PDLIM5: variants seen among roughly 807,000 people sequenced by gnomAD.
The protein encoded by PDLIM5 is PDZ and LIM domain 5, also known as PDZ and LIM domain protein 5.
A neutral mutation model predicts 64.2 loss-of-function variants in PDLIM5; 34 were observed. The ratio of observed to expected loss-of-function variants is 0.53; its 90% CI spans 0.40 to 0.71. The LOEUF (loss-of-function observed/expected upper bound fraction) is 0.71. Among genes scored for constraint, PDLIM5 ranks in the 30% least tolerant of loss-of-function variants. The pLI is 0.00. For missense variants in PDLIM5, 683 were observed against 733.6 expected (o/e 0.93, Z 0.80); for synonymous variants, 253 against 269.1 (o/e 0.94, Z 0.59).
Position 94,664,050 on chromosome 4 carries a change from C to A in PDLIM5, c.1774C>A (p.His592Asn). Residue 592 changes from histidine to asparagine, a missense_variant, in exon 13 of 13, where the codon CAT becomes AAT. By Grantham distance (68) the His-to-Asn change is moderately conservative. Transcript: ENST00000317968. ...KDKPLCKKHA[H>N]SVNF ...CAAGCCCCTGTGTAAGAAACATGCTCATTCTGTGAATTTTTGAAAGTCAAC... is the reference window on the plus strand; with the variant it reads ...CAAGCCCCTGTGTAAGAAACATGCTAATTCTGTGAATTTTTGAAAGTCAAC... 1 of 1,603,020 alleles carries A rather than the reference C, an allele frequency of 6.2e-7. No homozygotes were observed. Among genetic ancestry groups the A allele is most frequent in the South Asian group, 1.1e-5 (1 of 89,036 alleles).
At chr4:94,583,318 G>A (rs1012802826) in intron 5 of PDLIM5, among the ~76,000 whole-genome samples, 1 of 152,018 alleles carries the variant, frequency 6.6e-6, no homozygotes, top group African/African-American at 2.4e-5. Flanking sequence ...TACTACTTAG[G>A]TAGTGTCATT....
intron 2 of PDLIM5, among the ~76,000 whole-genome samples, chr4:94,465,935 T>A (rs1410380921): frequency 6.6e-6 from 1 of 152,058 alleles, no homozygotes; most frequent in Non-Finnish European, 1.5e-5. Context: ...TATGTGTGTG[T>A]ATGTGTGTGT....
chr4:94,654,387 A>G, intron 9 of PDLIM5, 73 bp from the exon 10 acceptor site: 2 of 944,920 alleles, frequency 2.1e-6, no homozygotes, highest in African/African-American at 1.6e-5. Context: ...ACATTGCATA[A>G]AAGAGGTCCA....
At chr4:94,458,251 A>G (rs1020287513) in intron 2 of PDLIM5, among the ~76,000 whole-genome samples, 1 of 152,192 alleles carries the variant, frequency 6.6e-6, no homozygotes, top group Non-Finnish European at 1.5e-5. Context: ...ACTGGTCATC[A>G]GGTTCTTTAA....
intron 3 of PDLIM5, among the ~76,000 whole-genome samples, chr4:94,540,017 C>A (rs945816510): frequency 1.3e-5 from 2 of 151,880 alleles, no homozygotes; most frequent in African/African-American, 2.4e-5. Flanking sequence ...AATAATACTA[C>A]TAATAATAAT....
At chr4:94,628,976 G>T (rs1739920054) in intron 8 of PDLIM5, among the ~76,000 whole-genome samples, 1 of 148,418 alleles carries the variant, frequency 6.7e-6, no homozygotes, top group African/African-American at 2.6e-5. Context: ...AGAAAATGAA[G>T]CCCATTGGCC....
chr4:94,513,689 T>C (rs142219862), intron 2 of PDLIM5, among the ~76,000 whole-genome samples: 4,066 of 152,302 alleles, frequency 0.027, 86 homozygotes, highest in Middle Eastern at 0.065. Context: ...GACTTCTTCC[T>C]CTCCAGTTTG....
At chr4:94,470,133 A>C (rs532708080) in intron 2 of PDLIM5, among the ~76,000 whole-genome samples, 37 of 151,456 alleles carry the variant, frequency 2.4e-4, no homozygotes, top group African/African-American at 6.6e-4. Flanking sequence ...CACCCGGCTA[A>C]TTTTTTGTAT....
chr4:94,529,777 G>A (rs150424882), intron 3 of PDLIM5, among the ~76,000 whole-genome samples: 307 of 151,968 alleles, frequency 2.0e-3, no homozygotes, highest in Non-Finnish European at 3.3e-3. Context: ...TTTTTTTCCT[G>A]GCCGTGAAAC....
intron 2 of PDLIM5, chr4:94,456,961 T>C (rs1050635515): frequency 4.0e-6 from 4 of 991,222 alleles, no homozygotes; most frequent in Admixed American, 5.7e-5. Flanking sequence ...CCAACAGTTA[T>C]GCTGTGCTGC....
chr4:94,494,729 C>T (rs1252963265), intron 2 of PDLIM5, among the ~76,000 whole-genome samples: 2 of 151,510 alleles, frequency 1.3e-5, no homozygotes, highest in Non-Finnish European at 2.9e-5. Context: ...TGTGAGCCAC[C>T]GTGCCTGACC....
At chr4:94,480,589 G>A (rs149052401) in intron 2 of PDLIM5, among the ~76,000 whole-genome samples, 146 of 152,314 alleles carry the variant, frequency 9.6e-4, no homozygotes, top group African/African-American at 3.3e-3. Context: ...CTGGAGCTGG[G>A]ACTGTAGAGC....
intron 7 of PDLIM5, among the ~76,000 whole-genome samples, chr4:94,588,891 A>C (rs993763634): frequency 1.3e-5 from 2 of 152,236 alleles, no homozygotes; most frequent in African/African-American, 4.8e-5. Flanking sequence ...AATGCATTTT[A>C]AAAATAATTC....
chr4:94,639,788 G>C (rs766555877), intron 8 of PDLIM5, among the ~76,000 whole-genome samples: 2 of 152,028 alleles, frequency 1.3e-5, no homozygotes, highest in African/African-American at 4.8e-5. Context: ...ATGTCTTCTC[G>C]TAGAAGCAGA....
In PDLIM5 at chr4:94,667,480, T is replaced by C. The variant is rs1743131804; in HGVS notation, c.*3413T>C. On this transcript the variant is annotated 3_prime_UTR_variant, in exon 13 of 13. Transcript: ENST00000317968. ...AGCATTTACATTGTATTAGCTATTA[T>C]AGGTAATCTAGAGATGATTTAAAGT... The C allele has an allele frequency of 6.6e-6, 1 of 152,212 alleles. No homozygotes were observed. Among genetic ancestry groups the C allele is most frequent in the African/African-American group, 2.4e-5 (1 of 41,436 alleles). The allele number at this position is 152,212 out of a possible 1,614,324, so 9.4% of individuals were successfully genotyped here. A position where few individuals can be genotyped will look rare whatever the true frequency, so the allele number is the denominator to read the frequency against.
chr4:94,454,934 A>G (rs563251778), intron 1 of PDLIM5, among the ~76,000 whole-genome samples: 1 of 152,328 alleles, frequency 6.6e-6, no homozygotes, highest in South Asian at 2.1e-4. Flanking sequence ...TACATTAGTG[A>G]AGTATTGTAA....
intron 9 of PDLIM5, 107 bp from the exon 10 acceptor site, chr4:94,654,353 T>C (rs1742055901): frequency 2.7e-6 from 2 of 737,110 alleles, no homozygotes; most frequent in Non-Finnish European, 4.7e-6. Flanking sequence ...AGAAGGAAAA[T>C]TGAGCAAGTA....
chr4:94,494,456 T>TTTTTTTTTTTTTTTTA (rs1727186837), intron 2 of PDLIM5, among the ~76,000 whole-genome samples: 2 of 96,554 alleles, frequency 2.1e-5, no homozygotes, highest in East Asian at 3.1e-4. Flanking sequence ...TTTTTTTTTT[T>TTTTTTTTTTTTTTTTA]GAGACGGAAT....
chr4:94,558,317 C>T (rs1473276877), intron 3 of PDLIM5, among the ~76,000 whole-genome samples: 2 of 152,104 alleles, frequency 1.3e-5, no homozygotes, highest in East Asian at 3.8e-4. Context: ...AAAATTCATG[C>T]TGTTCTTTAT....
Sources: allele counts gnomAD v4.1 joint callset (sites outside exome capture counted in the v4.1 genomes callset), GRCh38; gene constraint gnomAD v4.1.1; transcripts MANE v1.5; gene names NCBI Gene and HGNC (gene_info 2026-07-23, HGNC 2026-07-21).